Variants in SLC25A31 observed in about 807,000 individuals in gnomAD.
SLC25A31 encodes solute carrier family 25 member 31, also known as ADP/ATP translocase 4.
Under a neutral mutation model 36.2 loss-of-function variants are expected in SLC25A31, and 40 were observed. The ratio of observed to expected loss-of-function variants is 1.10; its 90% CI spans 0.86 to 1.44. SLC25A31 has a LOEUF of 1.44. Ranked by LOEUF, SLC25A31 falls within the 40% of genes most tolerant of loss-of-function variation. The pLI is 0.00. For synonymous variants in SLC25A31, 143 were observed against 149.7 expected, an observed-to-expected ratio of 0.96 and a Z score of 0.32; for missense variants, 350 against 397.1, an observed-to-expected ratio of 0.88 and a Z score of 1.01.
chr4:127,734,556 CAAAAAAAAA>C (rs34838538), intron 1 of SLC25A31, among the ~76,000 whole-genome samples: 3 of 62,276 alleles, frequency 4.8e-5, no homozygotes, highest in African/African-American at 1.8e-4. Flanking sequence ...AAGACTGTCT[CAAAAAAAAA>C]AAAAAAAAAA....
intron 2 of SLC25A31, among the ~76,000 whole-genome samples, chr4:127,751,553 C>A (rs1351595386): frequency 5.5e-4 from 84 of 152,132 alleles, no homozygotes; most frequent in African/African-American, 1.3e-3. Context: ...AATGGCAACA[C>A]AAGCCAAAAT....
At chr4:127,760,983 TACA>T (rs1390370896) in intron 2 of SLC25A31, among the ~76,000 whole-genome samples, 3 of 126,046 alleles carry the variant, frequency 2.4e-5, no homozygotes, top group African/African-American at 8.0e-5. Context: ...ATTACTAACT[TACA>T]ACAACCAAAA....
At chr4:127,735,406 C>T (rs144148328) in intron 1 of SLC25A31, among the ~76,000 whole-genome samples, 223 of 152,206 alleles carry the variant, frequency 1.5e-3, no homozygotes, top group African/African-American at 5.2e-3. Flanking sequence ...TTCAAGTTTC[C>T]CTAACAACCC....
chr4:127,747,265 T>C (rs1375485621), intron 2 of SLC25A31, among the ~76,000 whole-genome samples: 1 of 152,198 alleles, frequency 6.6e-6, no homozygotes, highest in East Asian at 1.9e-4. Context: ...TGGTTACATA[T>C]GAATTTTTAA....
In SLC25A31 at chr4:127,773,933, C is replaced by A; in HGVS notation, c.*359C>A. 6.2e-6 allele frequency: 1 copy of A among 162,238 alleles called. No individual in the cohort carries two copies. The highest frequency in any genetic ancestry group is 2.4e-5 in the African/African-American group (1 of 41,520). The allele number at this position is 162,238 out of a possible 1,614,324, so 10.0% of individuals were successfully genotyped here. A position where few individuals can be genotyped will look rare whatever the true frequency, so the allele number is the denominator to read the frequency against. The stretch of plus-strand genomic sequence containing the variant: ...TTTAAATTGCTATTCATTTAATATA[C>A]CTGTTTTCCCATCTTTTGAAGTCAT... On this transcript the variant is annotated 3_prime_UTR_variant, in exon 6 of 6. Transcript: ENST00000281154.
chr4:127,760,410 C>G (rs1193654884), intron 2 of SLC25A31, among the ~76,000 whole-genome samples: 3 of 152,140 alleles, frequency 2.0e-5, no homozygotes, highest in African/African-American at 7.2e-5. Flanking sequence ...AGCTTTTGCT[C>G]CACTAGTTTG....
At chr4:127,762,232 A>C (rs1732154682) in intron 2 of SLC25A31, among the ~76,000 whole-genome samples, 1 of 152,244 alleles carries the variant, frequency 6.6e-6, no homozygotes, top group Non-Finnish European at 1.5e-5. Context: ...CATAAAATAG[A>C]ATATTATTTG....
At chr4:127,766,538 C>T (rs958130581) in intron 3 of SLC25A31, among the ~76,000 whole-genome samples, 2 of 152,100 alleles carry the variant, frequency 1.3e-5, no homozygotes, top group Non-Finnish European at 2.9e-5. Flanking sequence ...TACTCTGTTG[C>T]CTAGGCTGGA....
chr4:127,773,290 C>G, intron 5 of SLC25A31, 96 bp from the exon 6 acceptor site: 1 of 1,129,726 alleles, frequency 8.9e-7, no homozygotes, highest in Non-Finnish European at 1.2e-6. Context: ...CTACTCAACA[C>G]AGTGTTTATC....
At chr4:127,736,982 C>T (rs1448518319) in intron 1 of SLC25A31, among the ~76,000 whole-genome samples, 1 of 152,158 alleles carries the variant, frequency 6.6e-6, no homozygotes. Context: ...AACGCTGAAA[C>T]CTGACTCCCA....
rs967759225 is a variant in SLC25A31 at position 127,749,394 on chromosome 4, C to T, written c.360+4595C>T. ...TCCCAAATCTTTGGAAATGTATGGACGTCCAGATTCAGGAAGCTCAGAGGA... is the reference window on the plus strand; with the variant it reads ...TCCCAAATCTTTGGAAATGTATGGATGTCCAGATTCAGGAAGCTCAGAGGA... On this transcript the variant is annotated intron_variant, in intron 2 of 5. Coordinates refer to ENST00000281154, the MANE Select transcript of SLC25A31 (RefSeq NM_031291.4). 6.6e-5 allele frequency among the ~76,000 whole-genome samples: 10 copies of T among 151,978 alleles called. No homozygotes were observed. In the East Asian group the frequency reaches 1.2e-3, roughly 18 times the overall value.
At chr4:127,761,645 A>G (rs1019020148) in intron 2 of SLC25A31, among the ~76,000 whole-genome samples, 1 of 152,136 alleles carries the variant, frequency 6.6e-6, no homozygotes, top group African/African-American at 2.4e-5. Context: ...TATTTGTACC[A>G]TAGTAATCCT....
chr4:127,765,545 T>G (rs1732224664), intron 3 of SLC25A31, among the ~76,000 whole-genome samples: 1 of 152,090 alleles, frequency 6.6e-6, no homozygotes, highest in South Asian at 2.1e-4. Context: ...GAATACAGGG[T>G]GCCTGCAGAT....
chr4:127,742,989 A>T (rs1731758804), intron 1 of SLC25A31, among the ~76,000 whole-genome samples: 1 of 151,974 alleles, frequency 6.6e-6, no homozygotes, highest in South Asian at 2.1e-4. Context: ...ATAAAGCTTC[A>T]TCTATTATAA....
chr4:127,730,536 C>A lies in SLC25A31; in HGVS notation c.-10C>A, dbSNP rs567137551. 1.2e-5 allele frequency: 19 copies of A among 1,610,124 alleles called. No individual in the cohort carries two copies. In the South Asian group the frequency reaches 1.9e-4, roughly 16 times the overall value. ...AGCCACTGCTGCCGGTTTTTATATC[C>A]TTCTCCATCATGCATCGTGAGCCTG... On this transcript the variant is annotated 5_prime_UTR_variant, in exon 1 of 6. Transcript: ENST00000281154.
chr4:127,736,881 C>A (rs558240270), intron 1 of SLC25A31, among the ~76,000 whole-genome samples: 1 of 152,330 alleles, frequency 6.6e-6, no homozygotes, highest in African/African-American at 2.4e-5. Context: ...TTGGGATAAA[C>A]TTGCATTATG....
intron 2 of SLC25A31, among the ~76,000 whole-genome samples, chr4:127,756,975 A>C (rs1277305589): frequency 6.6e-6 from 1 of 152,216 alleles, no homozygotes; most frequent in African/African-American, 2.4e-5. Flanking sequence ...TTTATCCTGG[A>C]GAAATGAAAA....
At chr4:127,738,707 G>C (rs577326709) in intron 1 of SLC25A31, among the ~76,000 whole-genome samples, 1 of 152,184 alleles carries the variant, frequency 6.6e-6, no homozygotes, top group East Asian at 1.9e-4. Context: ...GTGGGGTGTT[G>C]AAGTCCCCCA....
At chr4:127,758,142 C>A (rs2148761213) in intron 2 of SLC25A31, among the ~76,000 whole-genome samples, 1 of 152,188 alleles carries the variant, frequency 6.6e-6, no homozygotes, top group East Asian at 1.9e-4. Context: ...TTCAGTTACC[C>A]CACCACCCCC....
Sources: gnomAD v4.1 joint callset for allele counts (sites outside exome capture counted in the v4.1 genomes callset) on GRCh38, gnomAD v4.1.1 for gene constraint, MANE v1.5 for transcripts, NCBI Gene and HGNC (gene_info 2026-07-23, HGNC 2026-07-21) for gene names.